The following CRHR2 variants were observed in gnomAD, a reference collection of about 807,000 sequenced individuals.
CRHR2 encodes the protein corticotropin-releasing hormone receptor 2.
A neutral mutation model predicts 57.9 loss-of-function variants in CRHR2; 53 were observed. The observed-to-expected ratio is 0.92, with a 90% CI of 0.73 to 1.15. The LOEUF is 1.15. Ranked by LOEUF, CRHR2 falls within the 50% of genes most tolerant of loss-of-function variation. CRHR2 has a pLI of 0.00. For synonymous variants in CRHR2, 213 were observed against 220.9 expected (o/e 0.96, Z 0.32); for missense variants, 532 against 542.6 (o/e 0.98, Z 0.19).
upstream of CRHR2, among the ~76,000 whole-genome samples, chr7:30,686,843 A>G (rs915416348): frequency 3.9e-5 from 6 of 152,226 alleles, no homozygotes; most frequent in African/African-American, 1.4e-4. Context: ...AATTGAATTG[A>G]TCATAGATTC....
At chr7:30,670,567 C>T (rs1274119890) in intron 2 of CRHR2, among the ~76,000 whole-genome samples, 1 of 152,248 alleles carries the variant, frequency 6.6e-6, no homozygotes, top group Non-Finnish European at 1.5e-5. Context: ...CTTCTGGTTA[C>T]AGACACTGGG....
At chr7:30,666,519 C>G (rs1285339246) in intron 3 of CRHR2, among the ~76,000 whole-genome samples, 1 of 152,228 alleles carries the variant, frequency 6.6e-6, no homozygotes, top group Non-Finnish European at 1.5e-5. Context: ...TGGAGGCCCC[C>G]CTGCCCATTG....
At position 30,682,033 on chromosome 7, in the gene CRHR2, G is replaced by A; in HGVS notation, c.111C>T (p.Tyr37=). 6.3e-7 allele frequency: 1 copy of A among 1,588,678 alleles called. No individual in the cohort carries two copies. The highest frequency in any genetic ancestry group is 8.6e-7 in the Non-Finnish European group (1 of 1,167,858). The change falls in exon 2 of 12, where the codon TAC becomes TAT. Residue 37 remains tyrosine, a synonymous_variant. Transcript: ENST00000471646. The part of the protein sequence containing the change: ...WGPPLDPEGP[Y]SYCNTTLDQI... ...GGTCCAAGGTCGTGTTGCAGTAGGA[G>A]TAGGGACCTGGCGGCGGGAGAGAGC...
intron 1 of CRHR2, among the ~76,000 whole-genome samples, chr7:30,697,512 T>C (rs534454987): frequency 3.3e-4 from 50 of 152,254 alleles, no homozygotes; most frequent in African/African-American, 1.2e-3. Flanking sequence ...CCGGACCAGC[T>C]TCCCGAAGGC....
intron 2 of CRHR2, among the ~76,000 whole-genome samples, chr7:30,676,216 C>T (rs867236947): frequency 6.6e-6 from 1 of 152,198 alleles, no homozygotes; most frequent in Non-Finnish European, 1.5e-5. Flanking sequence ...GTCTGGATGG[C>T]CACAAGGGCA....
chr7:30,661,427 C>G (rs947840272), intron 7 of CRHR2, among the ~76,000 whole-genome samples: 6 of 152,162 alleles, frequency 3.9e-5, no homozygotes, highest in African/African-American at 1.4e-4. Context: ...ACCAAGGCAG[C>G]CCTCTTCTTG....
At chr7:30,682,773 A>T (rs1214066694), upstream of CRHR2, 1 of 153,528 alleles carries the variant, frequency 6.5e-6, no homozygotes, top group East Asian at 1.9e-4. Flanking sequence ...CCCGAGGAGA[A>T]CACCGCAGCT....
intron 7 of CRHR2, among the ~76,000 whole-genome samples, chr7:30,660,862 G>A (rs986382436): frequency 1.1e-4 from 17 of 152,210 alleles, no homozygotes; most frequent in African/African-American, 3.4e-4. Context: ...TCCCCAGCCC[G>A]ACTGAGGACA....
intron 2 of CRHR2, chr7:30,689,018 G>C: frequency 1.5e-6 from 1 of 685,332 alleles, no homozygotes. Flanking sequence ...CCTAGAATGG[G>C]GAAGGGCCTG....
chr7:30,697,543 A>G (rs181894335), intron 1 of CRHR2, among the ~76,000 whole-genome samples: 3 of 152,230 alleles, frequency 2.0e-5, no homozygotes, highest in Admixed American at 2.0e-4. Flanking sequence ...AATAGGGAGC[A>G]CCAGGGTCAA....
intron 8 of CRHR2, among the ~76,000 whole-genome samples, chr7:30,659,152 G>A (rs970804932): frequency 3.3e-5 from 5 of 152,224 alleles, no homozygotes; most frequent in Non-Finnish European, 7.3e-5. Context: ...CTTGGAATGT[G>A]GAAGCCCCTG....
At chr7:30,675,531 C>T (rs913390873) in intron 2 of CRHR2, among the ~76,000 whole-genome samples, 12 of 152,240 alleles carry the variant, frequency 7.9e-5, no homozygotes, top group African/African-American at 2.2e-4. Flanking sequence ...CCAGCAGAAT[C>T]GAGGCCCATG....
upstream of CRHR2, among the ~76,000 whole-genome samples, chr7:30,684,467 C>T (rs1251466361): frequency 2.6e-5 from 4 of 152,354 alleles, no homozygotes; most frequent in East Asian, 7.7e-4. Context: ...GTGGTGTGCT[C>T]CCAATGACCA....
chr7:30,665,241 G>T lies in CRHR2; in HGVS notation c.426-54C>A. On this transcript the variant is annotated intron_variant, in intron 4 of 11. Transcript: ENST00000471646. This position sits in a 1 kb window ranked among gnomAD's most constrained non-coding sequence, Gnocchi z 4.5. ...CAGGTTCAGGGGTCAACTGGGACTG[G>T]GTTCCCCCTGAGGCCAGGTAGAGAC... is the stretch of plus-strand genomic sequence containing the variant. 1.3e-6 allele frequency: 2 copies of T among 1,489,250 alleles called. No homozygotes were observed. Among genetic ancestry groups the T allele is most frequent in the South Asian group, 1.1e-5 (1 of 87,910 alleles). The allele number at this position is 1,489,250 out of a possible 1,614,324, so 92.3% of individuals were successfully genotyped here.
Position 30,655,072 on chromosome 7 carries a change from G to A in CRHR2, c.1062C>T (p.Phe354=), listed in dbSNP as rs552742156. ...NSFLQSFQGF[F]VSVFYCFFNG... ...TGAAGAAGCAGTAGAAGACAGACAC[G>A]AAGAAACCCTGGAAAGGAGGGAAAG... The change falls in exon 11 of 12, where the codon TTC becomes TTT. Residue 354 remains phenylalanine (F), a synonymous_variant. Transcript: ENST00000471646. 9.3e-6 allele frequency: 15 copies of A among 1,613,474 alleles called. No homozygotes were observed. Among genetic ancestry groups the A allele is most frequent in the African/African-American group, 8.0e-5 (6 of 75,002 alleles).
intron 2 of CRHR2, among the ~76,000 whole-genome samples, chr7:30,687,669 T>A (rs976082836): frequency 6.6e-6 from 1 of 152,168 alleles, no homozygotes; most frequent in Non-Finnish European, 1.5e-5. Flanking sequence ...GGCAAGGCTG[T>A]ATGTTTGGAG....
intron 9 of CRHR2, 75 bp downstream of exon 9, chr7:30,655,852 C>T: frequency 1.3e-6 from 2 of 1,599,004 alleles, no homozygotes; most frequent in Non-Finnish European, 1.7e-6. Flanking sequence ...GCAGAGGGCT[C>T]TGCCAGGAAG....
chr7:30,682,505 A>T, upstream of CRHR2: 1 of 1,276,710 alleles, frequency 7.8e-7, no homozygotes. Flanking sequence ...CTGCGGGTAC[A>T]GCCGCTCCGC....
At position 30,652,321 on chromosome 7, in the gene CRHR2, C is replaced by G. The variant is rs754773888; in HGVS notation, c.*1139G>C. On this transcript the variant is annotated 3_prime_UTR_variant, in exon 12 of 12. Coordinates refer to ENST00000471646, the MANE Select transcript of CRHR2 (RefSeq NM_001883.5). This position sits in a 1 kb window ranked among gnomAD's most constrained non-coding sequence, Gnocchi z 4.4. ...TTGCTGGATGAGCTGCACACCTCCT[C>G]CAGGCTGAATCAAGCTGCCCTTGGT... 1 of 152,444 alleles carries G rather than the reference C, an allele frequency of 6.6e-6. No homozygotes were observed. Among genetic ancestry groups the G allele is most frequent in the Non-Finnish European group, 1.5e-5 (1 of 68,244 alleles). The allele number at this position is 152,444 out of a possible 1,614,324, so 9.4% of individuals were successfully genotyped here. A position where few individuals can be genotyped will look rare whatever the true frequency, so the allele number is the denominator to read the frequency against.
Sources: gnomAD v4.1 joint callset for allele counts (sites outside exome capture counted in the v4.1 genomes callset) on GRCh38, gnomAD v4.1.1 for gene constraint, Gnocchi (gnomAD v3.1) non-coding constraint, MANE v1.5 for transcripts, NCBI Gene and HGNC (gene_info 2026-07-23, HGNC 2026-07-21) for gene names.